Variants in NIBAN1 observed in about 807,000 individuals in gnomAD.
NIBAN1 encodes the protein niban apoptosis regulator 1, also known as protein Niban 1.
A neutral mutation model predicts 75.1 loss-of-function variants in NIBAN1; 81 were observed. The observed-to-expected ratio is 1.08, with a 90% CI of 0.90 to 1.30. The LOEUF (loss-of-function observed/expected upper bound fraction) is 1.30, where lower values mean the gene tolerates loss of function less well. Ranked by LOEUF, NIBAN1 falls within the 50% of genes most tolerant of loss-of-function variation. NIBAN1 has a pLI of 0.00. For missense variants in NIBAN1, 1,133 were observed against 1,128.1 expected (o/e 1.00, Z -0.06); for synonymous variants, 436 against 424.8 (o/e 1.03, Z -0.32).
intron 1 of NIBAN1, among the ~76,000 whole-genome samples, chr1:184,972,689 C>T: frequency 6.6e-6 from 1 of 152,178 alleles, no homozygotes; most frequent in East Asian, 1.9e-4. Flanking sequence ...TCTTCATCTG[C>T]CCTAACTCCC....
Position 184,845,776 on chromosome 1 carries a change from G to T in NIBAN1, c.602-13814C>A, listed in dbSNP as rs1468205236. 1.2e-3 allele frequency among the ~76,000 whole-genome samples: 100 copies of T among 84,982 alleles called. 37 individuals carry two copies. The Middle Eastern group carries it at 0.03, about 25-fold the overall frequency. The allele number at this position is 84,982 out of a possible 152,430, so 55.8% of individuals were successfully genotyped here. A position where few individuals can be genotyped will look rare whatever the true frequency, so the allele number is the denominator to read the frequency against. On this transcript the variant is annotated intron_variant, in intron 5 of 13. Transcript: ENST00000367511. ...AGGCCAGTGTGTGTGCGCACCGTGC[G>T]CGAGCCGAAGCAGGGCGAGGCATTG...
At chr1:184,897,446 A>G (rs924905357) in intron 2 of NIBAN1, among the ~76,000 whole-genome samples, 2 of 151,864 alleles carry the variant, frequency 1.3e-5, no homozygotes, top group Admixed American at 6.6e-5. Flanking sequence ...TTCTTAGTCC[A>G]TTTTGCTGGA....
At chr1:184,912,157 T>C (rs1196157696) in intron 1 of NIBAN1, among the ~76,000 whole-genome samples, 1 of 152,200 alleles carries the variant, frequency 6.6e-6, no homozygotes, top group Non-Finnish European at 1.5e-5. Context: ...CATATATGTA[T>C]GTAAATATAT....
Position 184,886,127 on chromosome 1 carries a change from T to C in NIBAN1, c.434-1327A>G, listed in dbSNP as rs533597206. Among the ~76,000 whole-genome samples the C allele has an allele frequency of 2.0e-5, 3 of 152,220 alleles. No homozygotes were observed. In the East Asian group the frequency reaches 5.8e-4, roughly 29 times the overall value. On this transcript the variant is annotated intron_variant, in intron 4 of 13. Coordinates refer to ENST00000367511, the MANE Select transcript of NIBAN1 (RefSeq NM_052966.4). ...TGCTTTCCCATAAAAAAATTCTCAT[T>C]CATCCTTCAAAAGTCAGTTCAAAAG... is the stretch of plus-strand genomic sequence containing the variant.
chr1:184,862,420 G>A (rs893129963), intron 5 of NIBAN1, among the ~76,000 whole-genome samples: 4 of 152,000 alleles, frequency 2.6e-5, no homozygotes, highest in East Asian at 1.9e-4. Flanking sequence ...GGGCTCAAGC[G>A]ATCCTCCTGC....
intron 5 of NIBAN1, among the ~76,000 whole-genome samples, chr1:184,855,343 T>C (rs80344857): frequency 8.7e-4 from 132 of 152,326 alleles, no homozygotes; most frequent in Non-Finnish European, 1.4e-3. Context: ...TAACATTGAA[T>C]AAAATAACAT....
intron 5 of NIBAN1, among the ~76,000 whole-genome samples, chr1:184,865,605 GA>G (rs1235655728): frequency 1.3e-5 from 2 of 151,632 alleles, no homozygotes; most frequent in African/African-American, 4.8e-5. Context: ...AAAACAAGCT[GA>G]AAAAAAATAA....
At chr1:184,832,147 T>C (rs1037480098) in intron 5 of NIBAN1, among the ~76,000 whole-genome samples, 185 bp from the exon 6 acceptor site, 4 of 152,308 alleles carry the variant, frequency 2.6e-5, no homozygotes, top group African/African-American at 9.6e-5. Flanking sequence ...ATCACACTAC[T>C]TGTTCATCGT....
At chr1:184,857,802 G>T (rs1446027961) in intron 5 of NIBAN1, among the ~76,000 whole-genome samples, 1 of 151,796 alleles carries the variant, frequency 6.6e-6, no homozygotes, top group Non-Finnish European at 1.5e-5. Context: ...TAATTCAGTG[G>T]GAAGGTTAGA....
chr1:184,874,146 G>T (rs1428474428), intron 5 of NIBAN1, among the ~76,000 whole-genome samples: 1 of 151,584 alleles, frequency 6.6e-6, no homozygotes, highest in East Asian at 1.9e-4. Flanking sequence ...AATAAAAATA[G>T]AATATACGAA....
intron 5 of NIBAN1, among the ~76,000 whole-genome samples, chr1:184,860,234 G>T (rs1390744110): frequency 6.7e-6 from 1 of 150,190 alleles, no homozygotes; most frequent in Non-Finnish European, 1.5e-5. Flanking sequence ...AAAGCTGTAG[G>T]CAGGTGGGAG....
chr1:184,955,836 T>C (rs536448829), intron 1 of NIBAN1, among the ~76,000 whole-genome samples: 1 of 146,924 alleles, frequency 6.8e-6, no homozygotes, highest in Non-Finnish European at 1.5e-5. Context: ...AGGTGTGTCA[T>C]GTAGAGATGA....
At chr1:184,808,013 G>A (rs1654254830) in intron 10 of NIBAN1, 61 bp downstream of exon 10, 12 of 1,587,934 alleles carry the variant, frequency 7.6e-6, no homozygotes, top group Non-Finnish European at 8.6e-6. Flanking sequence ...TCACTGGCCA[G>A]CACCCATTTC....
In NIBAN1 at chr1:184,818,682, T is replaced by C; in HGVS notation, c.1129A>G (p.Ser377Gly). The change falls in exon 9 of 14, where the codon AGC becomes GGC. Residue 377 changes from serine to glycine, a missense_variant. Ser to Gly is a moderately conservative substitution (Grantham distance 56). Transcript: ENST00000367511. Reference sequence around the variant, plus strand: ...TCTTTGGTGGTCTGGAAGTTCTGGCTGACTTCATTCACCTCTTTCTCAAAG... The same window carrying C: ...TCTTTGGTGGTCTGGAAGTTCTGGCCGACTTCATTCACCTCTTTCTCAAAG... Reference protein sequence around the residue: ...VLFEKEVNEVSQNFQTTKDSV... With the variant: ...VLFEKEVNEVGQNFQTTKDSV... 6.2e-7 allele frequency: 1 copy of C among 1,612,110 alleles called. No individual in the cohort carries two copies. Among genetic ancestry groups the C allele is most frequent in the Non-Finnish European group, 8.5e-7 (1 of 1,178,466 alleles).
chr1:184,952,071 A>G (rs1014048342), intron 1 of NIBAN1, among the ~76,000 whole-genome samples: 2 of 152,362 alleles, frequency 1.3e-5, no homozygotes, highest in African/African-American at 2.4e-5. Context: ...TTTGATGACT[A>G]GAAGGAAAGA....
chr1:184,860,949 T>A (rs968699508), intron 5 of NIBAN1, among the ~76,000 whole-genome samples: 1 of 152,218 alleles, frequency 6.6e-6, no homozygotes, highest in Non-Finnish European at 1.5e-5. Context: ...GTTTCAGTCA[T>A]ACAAAGTCCA....
intron 5 of NIBAN1, among the ~76,000 whole-genome samples, chr1:184,879,023 T>G (rs1656305852): frequency 6.6e-6 from 1 of 152,170 alleles, no homozygotes; most frequent in South Asian, 2.1e-4. Flanking sequence ...TGTAGAGTAC[T>G]AACTATGTGA....
intron 2 of NIBAN1, among the ~76,000 whole-genome samples, chr1:184,896,317 A>T (rs1299139551): frequency 6.6e-6 from 1 of 152,064 alleles, no homozygotes; most frequent in Non-Finnish European, 1.5e-5. Flanking sequence ...GGTGATATTG[A>T]GCATATTTTC....
chr1:184,910,208 T>C (rs1657205582), intron 1 of NIBAN1, among the ~76,000 whole-genome samples: 1 of 152,148 alleles, frequency 6.6e-6, no homozygotes, highest in South Asian at 2.1e-4. Context: ...GAAGTAGAAC[T>C]GTAAATAACT....
Sources: allele counts gnomAD v4.1 joint callset (sites outside exome capture counted in the v4.1 genomes callset), GRCh38; gene constraint gnomAD v4.1.1; transcripts MANE v1.5; gene names NCBI Gene and HGNC (gene_info 2026-07-23, HGNC 2026-07-21).